The following TEAD2 variants were observed in gnomAD, a reference collection of about 807,000 sequenced individuals.
The protein encoded by TEAD2 is transcriptional enhancer factor TEF-4.
TEAD2 carries 51 observed loss-of-function variants against 61.4 expected under a neutral mutation model. The ratio of observed to expected loss-of-function variants is 0.83; its 90% CI spans 0.66 to 1.05. The LOEUF (loss-of-function observed/expected upper bound fraction) is 1.05. Among genes scored for constraint, TEAD2 ranks in the 50% least tolerant of loss-of-function variants. The probability of loss-of-function intolerance (pLI) is 0.00; values close to 1 mark genes in which losing one functional copy is unlikely to be tolerated. For missense variants in TEAD2, 509 were observed against 600.0 expected (o/e 0.85, Z 1.58); for synonymous variants, 244 against 243.2 (o/e 1.00, Z -0.03).
chr19:49,347,435 C>T (rs1971726416), intron 9 of TEAD2, 72 bp from the exon 10 acceptor site: 1 of 1,534,918 alleles, frequency 6.5e-7, no homozygotes, highest in East Asian at 2.3e-5. Flanking sequence ...CTGAGCCCAC[C>T]AAATGCCGTC....
At chr19:49,342,707 CTTCCT>C (rs1306826142) in intron 11 of TEAD2, 117 bp from the exon 12 acceptor site, 13 of 1,312,050 alleles carry the variant, frequency 9.9e-6, no homozygotes, top group Non-Finnish European at 1.3e-5. Context: ...TCACTGCCAC[CTTCCT>C]TTCATCACCC....
At chr19:49,346,382 T>C (rs1971643094) in intron 10 of TEAD2, among the ~76,000 whole-genome samples, 1 of 151,024 alleles carries the variant, frequency 6.6e-6, no homozygotes, top group Admixed American at 6.6e-5. Flanking sequence ...CTTGGACGGG[T>C]GCGGTGGCTC....
At chr19:49,355,928 C>A in intron 5 of TEAD2, 31 bp downstream of exon 5, 2 of 1,251,022 alleles carry the variant, frequency 1.6e-6, no homozygotes, top group South Asian at 3.4e-5. Context: ...TTGGAGTGAG[C>A]GTGGGTGGGA....
intron 7 of TEAD2, among the ~76,000 whole-genome samples, chr19:49,353,959 T>TTA (rs1183535756): frequency 1.5e-5 from 1 of 68,842 alleles, no homozygotes; most frequent in African/African-American, 9.1e-5. Flanking sequence ...TGTTTTTTGT[T>TTA]TTTTTTTTTT....
rs1270537124 is a variant in TEAD2, at chr19:49,348,814, C to T, written c.636G>A (p.Leu212=). The change falls in exon 9 of 13, where the codon CTG becomes CTA. Residue 212 remains leucine (L), a synonymous_variant. Coordinates refer to ENST00000593945, the MANE Select transcript of TEAD2 (RefSeq NM_001256660.2). ...CTGGGGGCGATGGGGTAGGTGGGGG[C>T]AGGGGTGAGAGGGCTTGGGGGGGCT... ...GYEPPQALSP[L]PPPTPSPPAW... 2 of 1,598,482 alleles carry T rather than the reference C, an allele frequency of 1.3e-6. No homozygotes were observed. The highest frequency in any genetic ancestry group is 1.7e-6 in the Non-Finnish European group (2 of 1,173,618).
chr19:49,360,019 A>G lies in TEAD2; in HGVS notation c.57T>C (p.Ser19=). The G allele has an allele frequency of 6.2e-7, 1 of 1,608,160 alleles. No homozygotes were observed. Among genetic ancestry groups the G allele is most frequent in the Non-Finnish European group, 8.5e-7 (1 of 1,179,706 alleles). Residue 19 remains serine (S), a synonymous_variant, in exon 2 of 13, where the codon AGT becomes AGC. Coordinates refer to ENST00000593945, the MANE Select transcript of TEAD2 (RefSeq NM_001256660.2). ...ALDDGSGWTG[S]EEGSEEGTGG... is the part of the protein sequence containing the mutation. ...CGGTACCCTCCTCACTGCCTTCCTC[A>G]CTGCCCGTCCAGCCGCTGCCATCGT...
chr19:49,341,862 T>A lies in TEAD2; in HGVS notation c.1243-425A>T, dbSNP rs1971294440. On this transcript the variant is annotated intron_variant, in intron 12 of 12. Coordinates refer to ENST00000593945, the MANE Select transcript of TEAD2 (RefSeq NM_001256660.2). The surrounding 1 kb of genome is among the most constrained non-coding windows in gnomAD (Gnocchi z 4.2). Reference sequence around the variant, plus strand: ...GGATCTGCCTTCGAGTGCCCTCCAGTCAGCTTCACCAGGGAAGGAGGGACC... The same window carrying A: ...GGATCTGCCTTCGAGTGCCCTCCAGACAGCTTCACCAGGGAAGGAGGGACC... Among the ~76,000 whole-genome samples the A allele has an allele frequency of 6.6e-6, 1 of 152,034 alleles. No individual in the cohort carries two copies.
rs971750419 is a variant in TEAD2 at position 49,356,646 on chromosome 19, A to C, written c.360+606T>G. Among the ~76,000 whole-genome samples, 16 of 152,184 alleles carry C rather than the reference A, an allele frequency of 1.1e-4. 1 individual carries two copies. The highest frequency in any genetic ancestry group is 3.9e-4 in the African/African-American group (16 of 41,502). ...GATGAAGAGGAGGCCTTCACAGCACAAGAGGGGGAAGATATGAGACCGCCA... is the reference window on the plus strand; with the variant it reads ...GATGAAGAGGAGGCCTTCACAGCACCAGAGGGGGAAGATATGAGACCGCCA... On this transcript the variant is annotated intron_variant, in intron 4 of 12. Coordinates refer to ENST00000593945, the MANE Select transcript of TEAD2 (RefSeq NM_001256660.2).
rs748552884 is a variant in TEAD2, at chr19:49,359,517, G to T, written c.233-18C>A. 1.2e-6 allele frequency: 2 copies of T among 1,613,646 alleles called. No individual in the cohort carries two copies. Among genetic ancestry groups the T allele is most frequent in the Non-Finnish European group, 1.7e-6 (2 of 1,179,794 alleles). Reference sequence around the variant, plus strand: ...ATTCCGACCTGAAGATTCAAAGACGGAACAGAGTTAGTTAGACTTTCAACA... The same window carrying T: ...ATTCCGACCTGAAGATTCAAAGACGTAACAGAGTTAGTTAGACTTTCAACA... On this transcript the variant is annotated intron_variant, in intron 2 of 12. Coordinates refer to ENST00000593945, the MANE Select transcript of TEAD2 (RefSeq NM_001256660.2). The surrounding 1 kb of genome is among the most constrained non-coding windows in gnomAD (Gnocchi z 4.1).
At chr19:49,350,902 C>T (rs190434730) in intron 8 of TEAD2, among the ~76,000 whole-genome samples, 36 of 151,858 alleles carry the variant, frequency 2.4e-4, no homozygotes, top group East Asian at 1.4e-3. Context: ...CCTAATTGGC[C>T]GGGTGCGGTG....
At chr19:49,356,743 G>A (rs763749947) in intron 4 of TEAD2, among the ~76,000 whole-genome samples, 4 of 152,042 alleles carry the variant, frequency 2.6e-5, no homozygotes, top group Admixed American at 2.0e-4. Flanking sequence ...GGAGGGGACC[G>A]ACGGCCCATC....
Position 49,359,277 on chromosome 19 carries a change from A to G in TEAD2, c.297+158T>C. 1.4e-6 allele frequency: 1 copy of G among 693,728 alleles called. No homozygotes were observed. Among genetic ancestry groups the G allele is most frequent in the East Asian group, 2.6e-5 (1 of 39,208 alleles). 43.0% of individuals were successfully genotyped at this position (693,728 alleles called of 1,614,324 possible). A position where few individuals can be genotyped will look rare whatever the true frequency, so the allele number is the denominator to read the frequency against. Reference sequence around the variant, plus strand: ...TACATAAATAACCCAGCCTCGGGTAATTCTTTATAGCAATACAAACGGACT... The same window carrying G: ...TACATAAATAACCCAGCCTCGGGTAGTTCTTTATAGCAATACAAACGGACT... On this transcript the variant is annotated intron_variant, in intron 3 of 12. Coordinates refer to ENST00000593945, the MANE Select transcript of TEAD2 (RefSeq NM_001256660.2). This position sits in a 1 kb window ranked among gnomAD's most constrained non-coding sequence, Gnocchi z 4.1.
In TEAD2 at chr19:49,342,369, T is replaced by TGAG. The variant is rs890808088; in HGVS notation, c.1242+66_1242+68dup. 2.6e-5 allele frequency: 40 copies of TGAG among 1,562,268 alleles called. No homozygotes were observed. In the African/African-American group the frequency reaches 5.3e-4, roughly 21 times the overall value. ...TCCTGGGTGAGGAGATCCCCTAGACTGAGGGTCTGTTATAGGTACTGTCCC... is the reference window on the plus strand; with the variant it reads ...TCCTGGGTGAGGAGATCCCCTAGACTGAGGAGGGTCTGTTATAGGTACTGTCCC... On this transcript the variant is annotated intron_variant, in intron 12 of 12. Transcript: ENST00000593945.
In TEAD2 at chr19:49,342,505, T is replaced by C. The variant is rs1187138057; in HGVS notation, c.1175A>G (p.His392Arg). The change falls in exon 12 of 13, where the codon CAC becomes CGC. Residue 392 changes from histidine to arginine, a missense_variant. His to Arg is a conservative substitution (Grantham distance 29, BLOSUM62 0). Coordinates refer to ENST00000593945, the MANE Select transcript of TEAD2 (RefSeq NM_001256660.2). The stretch of plus-strand genomic sequence containing the variant: ...TCGCTCAGGCAGCTGCCGCAACTTG[T>C]GCAAGAAATTCACCAGGTACTCGCA... ...PMCEYLVNFL[H>R]KLRQLPERYM... is the part of the protein sequence containing the mutation. The C allele has an allele frequency of 6.2e-7, 1 of 1,614,170 alleles. No individual in the cohort carries two copies. The highest frequency in any genetic ancestry group is 8.5e-7 in the Non-Finnish European group (1 of 1,180,020).
Position 49,359,522 on chromosome 19 carries a change from G to C in TEAD2, c.233-23C>G, listed in dbSNP as rs566528580. 6.2e-6 allele frequency: 10 copies of C among 1,613,176 alleles called. No individual in the cohort carries two copies. The South Asian group carries it at 9.9e-5, about 16-fold the overall frequency. ...GACCTGAAGATTCAAAGACGGAACA[G>C]AGTTAGTTAGACTTTCAACAGAACT... On this transcript the variant is annotated intron_variant, in intron 2 of 12. Coordinates refer to ENST00000593945, the MANE Select transcript of TEAD2 (RefSeq NM_001256660.2). The surrounding 1 kb of genome is among the most constrained non-coding windows in gnomAD (Gnocchi z 4.1).
intron 1 of TEAD2, among the ~76,000 whole-genome samples, chr19:49,360,716 G>GGGA (rs1173112172): frequency 4.0e-5 from 6 of 149,360 alleles, no homozygotes; most frequent in Admixed American, 6.7e-5. Flanking sequence ...CAAGACTGAG[G>GGGA]GGAGGTCTAG....
chr19:49,341,420 G>A lies in TEAD2; in HGVS notation c.1260C>T (p.Asp420=). The change falls in exon 13 of 13, where the codon GAC becomes GAT. Residue 420 remains aspartate, a synonymous_variant. Transcript: ENST00000593945. This position sits in a 1 kb window ranked among gnomAD's most constrained non-coding sequence, Gnocchi z 4.2. Reference sequence around the variant, plus strand: ...CGGTGCAGAGCAGCAGTTCCTGGGTGTCTCTGTTTGTCACCACCTGCCAGG... The same window carrying A: ...CGGTGCAGAGCAGCAGTTCCTGGGTATCTCTGTTTGTCACCACCTGCCAGG... The part of the protein sequence containing the change: ...FTILQVVTNR[D]TQELLLCTAY... 6.2e-7 allele frequency: 1 copy of A among 1,613,946 alleles called. No individual in the cohort carries two copies. The highest frequency in any genetic ancestry group is 1.3e-5 in the African/African-American group (1 of 75,030).
intron 4 of TEAD2, among the ~76,000 whole-genome samples, chr19:49,356,957 CCTCTGT>C (rs1247184797): frequency 6.6e-6 from 1 of 151,562 alleles, no homozygotes; most frequent in Non-Finnish European, 1.5e-5. Context: ...TCTCTGTCTC[CCTCTGT>C]CTCTGGGTCT....
intron 5 of TEAD2, among the ~76,000 whole-genome samples, chr19:49,355,679 TA>T (rs1972343484): frequency 6.6e-6 from 1 of 151,930 alleles, no homozygotes. Context: ...ATACAAAAAC[TA>T]GCCAGGTGTG....
Sources: allele counts gnomAD v4.1 joint callset (sites outside exome capture counted in the v4.1 genomes callset), GRCh38; gene constraint gnomAD v4.1.1; non-coding constraint Gnocchi (gnomAD v3.1); transcripts MANE v1.5; gene names NCBI Gene and HGNC (gene_info 2026-07-23, HGNC 2026-07-21).